The following WAC variants were observed in gnomAD, a reference collection of about 807,000 sequenced individuals.
WAC encodes the protein WW domain-containing adapter protein with coiled-coil.
WAC carries 11 observed loss-of-function variants against 79.6 expected under a neutral mutation model. That is an observed-to-expected ratio of 0.14 (90% CI 0.09 to 0.23). The LOEUF (loss-of-function observed/expected upper bound fraction) is 0.23. Ranked by LOEUF, WAC falls within the 10% of genes least tolerant of loss-of-function variation. The pLI is 1.00. For missense variants in WAC, 728 were observed against 773.5 expected (o/e 0.94, Z 0.70); for synonymous variants, 304 against 276.9 (o/e 1.10, Z -0.97).
intron 7 of WAC, among the ~76,000 whole-genome samples, chr10:28,602,128 T>A (rs1840674937): frequency 6.6e-6 from 1 of 152,182 alleles, no homozygotes; most frequent in Admixed American, 6.5e-5. Flanking sequence ...GAGGATATTT[T>A]TCACTCTTGA....
chr10:28,601,471 AATG>A (rs1317301125), intron 7 of WAC, among the ~76,000 whole-genome samples: 2 of 152,148 alleles, frequency 1.3e-5, no homozygotes, highest in Non-Finnish European at 2.9e-5. Flanking sequence ...AGGAATGTAA[AATG>A]ATGCAGCTAC....
chr10:28,556,152 C>G (rs983036038), intron 3 of WAC, among the ~76,000 whole-genome samples: 7 of 152,078 alleles, frequency 4.6e-5, no homozygotes, highest in African/African-American at 1.7e-4. Flanking sequence ...TTAAAGAAGC[C>G]TCTATTCTGG....
intron 13 of WAC, 133 bp from the exon 14 acceptor site, chr10:28,619,400 TTAAA>T (rs1841611689): frequency 3.1e-6 from 2 of 641,218 alleles, no homozygotes; most frequent in Admixed American, 7.3e-5. Flanking sequence ...CAATTTATAG[TTAAA>T]TAATTTTTTA....
At chr10:28,547,387 T>C (rs1334687801) in intron 3 of WAC, among the ~76,000 whole-genome samples, 1 of 152,042 alleles carries the variant, frequency 6.6e-6, no homozygotes, top group African/African-American at 2.4e-5. Flanking sequence ...ATACAAAAAT[T>C]AGCTGGGCGT....
At chr10:28,570,337 T>A (rs899789703) in intron 3 of WAC, among the ~76,000 whole-genome samples, 1 of 152,228 alleles carries the variant, frequency 6.6e-6, no homozygotes, top group African/African-American at 2.4e-5. Flanking sequence ...TTTTTTGCTA[T>A]GCTTATAATA....
chr10:28,547,650 T>TA (rs1195785332), intron 3 of WAC, among the ~76,000 whole-genome samples: 1 of 152,138 alleles, frequency 6.6e-6, no homozygotes, highest in African/African-American at 2.4e-5. Flanking sequence ...TTGGCTATAT[T>TA]AAAAAATCAT....
At chr10:28,559,135 G>GGTGTGTGTGTGT (rs750941388) in intron 3 of WAC, among the ~76,000 whole-genome samples, 130 of 64,796 alleles carry the variant, frequency 2.0e-3, no homozygotes, top group Admixed American at 8.4e-3. Context: ...CGAGAAACCT[G>GGTGTGTGTGTGT]ATGTGTGTGT....
chr10:28,536,613 G>A (rs1836691733), intron 3 of WAC, among the ~76,000 whole-genome samples: 2 of 152,114 alleles, frequency 1.3e-5, no homozygotes, highest in Admixed American at 1.3e-4. Context: ...CTGGTTCATT[G>A]AAATATTCTT....
intron 3 of WAC, among the ~76,000 whole-genome samples, chr10:28,548,085 T>C (rs1837461166): frequency 6.6e-6 from 1 of 151,770 alleles, no homozygotes; most frequent in Non-Finnish European, 1.5e-5. Flanking sequence ...CATGCCTGGC[T>C]AATTTTTTTT....
Position 28,595,433 on chromosome 10 carries a change from G to A in WAC, c.611-300G>A, listed in dbSNP as rs332158. ...CTCCATATGTTGATTTTTTTTTTTT[G>A]TGTTTTGTTTGAACTACAGTGTGAT... is the stretch of plus-strand genomic sequence containing the variant. On this transcript the variant is annotated intron_variant, in intron 6 of 13. Coordinates refer to ENST00000354911, the MANE Select transcript of WAC (RefSeq NM_016628.5). 0.84 allele frequency among the ~76,000 whole-genome samples: 126,767 copies of A among 151,082 alleles called. 53,074 individuals are homozygous for A. The highest frequency in any genetic ancestry group is 0.94 in the East Asian group (4,839 of 5,156).
At chr10:28,590,610 C>G in intron 5 of WAC, 110 bp from the exon 6 acceptor site, 1 of 836,990 alleles carries the variant, frequency 1.2e-6, no homozygotes, top group East Asian at 2.8e-5. Flanking sequence ...CATGTTCACT[C>G]CTTTTGTTTT....
chr10:28,544,374 A>G (rs1199876078), intron 3 of WAC, among the ~76,000 whole-genome samples: 1 of 152,160 alleles, frequency 6.6e-6, no homozygotes, highest in Non-Finnish European at 1.5e-5. Context: ...GTCATTTTTC[A>G]GTTAGGTTGG....
rs541576400 is a variant in WAC at position 28,583,611 on chromosome 10, T to A, written c.381+106T>A. 1.2e-3 allele frequency: 967 copies of A among 782,902 alleles called. 4 individuals are homozygous for A. In the African/African-American group the frequency reaches 0.016, roughly 13 times the overall value. 48.5% of individuals were successfully genotyped at this position (782,902 alleles called of 1,614,324 possible). On this transcript the variant is annotated intron_variant, in intron 4 of 13. Coordinates refer to ENST00000354911, the MANE Select transcript of WAC (RefSeq NM_016628.5). ...CTTGTAAAATCTAATGTCTTTTTTTTTAAAAATGTTTCAATCACAGTCTTA... is the reference window on the plus strand; with the variant it reads ...CTTGTAAAATCTAATGTCTTTTTTTATAAAAATGTTTCAATCACAGTCTTA...
intron 7 of WAC, among the ~76,000 whole-genome samples, chr10:28,607,130 A>G (rs1331164740): frequency 6.6e-6 from 1 of 152,138 alleles, no homozygotes; most frequent in Non-Finnish European, 1.5e-5. Flanking sequence ...ACGTATAGAA[A>G]TTCTTTAAAT....
intron 3 of WAC, among the ~76,000 whole-genome samples, chr10:28,571,336 T>C (rs1838953232): frequency 6.6e-6 from 1 of 152,218 alleles, no homozygotes; most frequent in South Asian, 2.1e-4. Flanking sequence ...GAATTTGTTA[T>C]TCAGAAGATG....
intron 10 of WAC, among the ~76,000 whole-genome samples, chr10:28,612,700 G>C (rs115073098): frequency 0.011 from 1,715 of 152,170 alleles, 14 homozygotes; most frequent in Non-Finnish European, 0.015. Flanking sequence ...CTTCCCGTTT[G>C]TTCATCCCTT....
At chr10:28,618,047 A>C (rs1841549222) in intron 13 of WAC, 1 of 244,258 alleles carries the variant, frequency 4.1e-6, no homozygotes, top group Non-Finnish European at 7.8e-6. Context: ...AAAAAATGAA[A>C]TATTGACCAC....
intron 3 of WAC, among the ~76,000 whole-genome samples, chr10:28,554,642 A>G (rs576247788): frequency 1.1e-4 from 16 of 152,260 alleles, no homozygotes; most frequent in South Asian, 1.0e-3. Flanking sequence ...CATTCTCCAC[A>G]TTGCAGTCAG....
chr10:28,552,288 A>G (rs1482480344), intron 3 of WAC, among the ~76,000 whole-genome samples: 1 of 152,146 alleles, frequency 6.6e-6, no homozygotes, highest in African/African-American at 2.4e-5. Flanking sequence ...ATGTATCGTT[A>G]TGGTTTTTCT....
Sources: allele counts gnomAD v4.1 joint callset (sites outside exome capture counted in the v4.1 genomes callset), GRCh38; gene constraint gnomAD v4.1.1; transcripts MANE v1.5; gene names NCBI Gene and HGNC (gene_info 2026-07-23, HGNC 2026-07-21).